HFM1: variants seen among roughly 807,000 people sequenced by gnomAD.
HFM1 encodes probable ATP-dependent DNA helicase HFM1.
Under a neutral mutation model 192.1 loss-of-function variants are expected in HFM1, and 169 were observed. That is an observed-to-expected ratio of 0.88 (90% confidence interval 0.78 to 1.00). The LOEUF is 1.00. Ranked by LOEUF, HFM1 falls within the 50% of genes least tolerant of loss-of-function variation. HFM1 has a pLI of 0.00. For missense variants in HFM1, 1,661 were observed against 1,668.0 expected (o/e 1.00, Z 0.07); for synonymous variants, 525 against 537.8 (o/e 0.98, Z 0.33).
At position 91,274,893 on chromosome 1, in the gene HFM1, T is replaced by G. The variant is rs1666662798; in HGVS notation, c.3589-84A>C. 3 of 604,012 alleles carry G rather than the reference T, an allele frequency of 5.0e-6. No homozygotes were observed. In the South Asian group the frequency reaches 8.2e-5, roughly 16 times the overall value. The allele number at this position is 604,012 out of a possible 1,614,324, so 37.4% of individuals were successfully genotyped here. On this transcript the variant is annotated intron_variant, in intron 32 of 38. Transcript: ENST00000370425. The stretch of plus-strand genomic sequence containing the variant: ...ATGAGCCAAACAACAAAATTCCTGC[T>G]GGTACATAAAGTCCCCAAATCAATG...
At chr1:91,355,493 G>C (rs2101773555) in intron 13 of HFM1, among the ~76,000 whole-genome samples, 1 of 150,464 alleles carries the variant, frequency 6.6e-6, no homozygotes, top group Middle Eastern at 3.5e-3. Context: ...TTAGCTATAA[G>C]GACACCGGCT....
chr1:91,362,484 T>C (rs913928735), intron 13 of HFM1, among the ~76,000 whole-genome samples: 3 of 151,944 alleles, frequency 2.0e-5, no homozygotes, highest in Non-Finnish European at 4.4e-5. Context: ...TACAGCTAAC[T>C]AGGGAGGTAA....
chr1:91,271,746 G>A (rs2100738912), intron 34 of HFM1, among the ~76,000 whole-genome samples: 1 of 152,210 alleles, frequency 6.6e-6, no homozygotes, highest in Middle Eastern at 3.4e-3. Context: ...GGGGCAAAAA[G>A]CTGAAAGAGT....
At chr1:91,300,131 T>G (rs1648460872) in intron 30 of HFM1, among the ~76,000 whole-genome samples, 1 of 152,100 alleles carries the variant, frequency 6.6e-6, no homozygotes, top group African/African-American at 2.4e-5. Flanking sequence ...AAATACAAAC[T>G]ACCATCAGAG....
At chr1:91,305,051 C>T (rs1318582539) in intron 30 of HFM1, among the ~76,000 whole-genome samples, 1 of 152,188 alleles carries the variant, frequency 6.6e-6, no homozygotes, top group Non-Finnish European at 1.5e-5. Flanking sequence ...ACAGCACCAC[C>T]TTGTCTTAAT....
At chr1:91,382,731 T>C (rs1285209917) in intron 6 of HFM1, among the ~76,000 whole-genome samples, 1 of 152,230 alleles carries the variant, frequency 6.6e-6, no homozygotes, top group Non-Finnish European at 1.5e-5. Context: ...TTCCATATCA[T>C]TCACAAAATG....
intron 30 of HFM1, among the ~76,000 whole-genome samples, chr1:91,295,703 T>C (rs1235336289): frequency 1.3e-5 from 2 of 152,196 alleles, no homozygotes; most frequent in Non-Finnish European, 2.9e-5. Context: ...CTTAATGGTA[T>C]CTTTTTGATG....
chr1:91,361,624 A>G (rs2101831318), intron 13 of HFM1, among the ~76,000 whole-genome samples: 1 of 152,332 alleles, frequency 6.6e-6, no homozygotes, highest in East Asian at 1.9e-4. Flanking sequence ...TACCATGGGT[A>G]CAAAGAAAAG....
chr1:91,335,961 CCTCCCTCT>C (rs1490727880), intron 20 of HFM1, among the ~76,000 whole-genome samples: 1 of 151,358 alleles, frequency 6.6e-6, no homozygotes, highest in Non-Finnish European at 1.5e-5. Context: ...CCCCTCTCTC[CCTCCCTCT>C]CTCCCTCTCT....
At chr1:91,350,693 G>C in intron 18 of HFM1, 45 bp downstream of exon 18, 1 of 1,584,956 alleles carries the variant, frequency 6.3e-7, no homozygotes, top group Non-Finnish European at 8.6e-7. Flanking sequence ...TACAGGCCTA[G>C]CTGGCTTGAA....
At chr1:91,331,853 A>C (rs1013152101) in intron 20 of HFM1, among the ~76,000 whole-genome samples, 2 of 152,238 alleles carry the variant, frequency 1.3e-5, no homozygotes, top group Non-Finnish European at 2.9e-5. Flanking sequence ...CCAAGATCGC[A>C]CCACTGCACT....
In HFM1 at chr1:91,315,839, T is replaced by G; in HGVS notation, c.3116A>C (p.Gln1039Pro). The change falls in exon 28 of 39, where the codon CAA (glutamine) becomes CCA (proline). Residue 1039 changes from glutamine to proline, a missense_variant. Transcript: ENST00000370425. ...VTLIIGDADN[Q>P]VVYLHKITDS... ...CGTAATCTTGTGCAGATAAACTACT[T>G]GATTATCTGCGTCACCTATGATTAA... 6.2e-7 allele frequency: 1 copy of G among 1,610,028 alleles called. No individual in the cohort carries two copies. The highest frequency in any genetic ancestry group is 8.5e-7 in the Non-Finnish European group (1 of 1,177,508).
At chr1:91,369,790 A>G (rs1416227679) in intron 13 of HFM1, among the ~76,000 whole-genome samples, 2 of 152,176 alleles carry the variant, frequency 1.3e-5, no homozygotes, top group Non-Finnish European at 2.9e-5. Context: ...CCAAAAATCA[A>G]TGAATCCAGG....
intron 30 of HFM1, among the ~76,000 whole-genome samples, chr1:91,296,512 A>G (rs1223510301): frequency 6.6e-6 from 1 of 152,032 alleles, no homozygotes; most frequent in Non-Finnish European, 1.5e-5. Flanking sequence ...TTGAATTTTC[A>G]TATGAATTTT....
chr1:91,268,171 A>G (rs1370494732), intron 34 of HFM1, among the ~76,000 whole-genome samples: 1 of 151,998 alleles, frequency 6.6e-6, no homozygotes, highest in Non-Finnish European at 1.5e-5. Flanking sequence ...ATAAAGTTGC[A>G]CTAAATTTAA....
intron 35 of HFM1, among the ~76,000 whole-genome samples, chr1:91,266,950 C>A (rs1277563226): frequency 6.6e-6 from 1 of 152,170 alleles, no homozygotes; most frequent in African/African-American, 2.4e-5. Context: ...AACATTTCAA[C>A]TTCTAACTGC....
At chr1:91,383,515 AT>A (rs1661802590) in intron 6 of HFM1, among the ~76,000 whole-genome samples, 1 of 152,154 alleles carries the variant, frequency 6.6e-6, no homozygotes, top group African/African-American at 2.4e-5. Flanking sequence ...AGCCATCTGC[AT>A]TGGAGGCAAC....
intron 13 of HFM1, among the ~76,000 whole-genome samples, chr1:91,365,911 T>C (rs2101873588): frequency 6.7e-6 from 1 of 149,022 alleles, no homozygotes; most frequent in Non-Finnish European, 1.5e-5. Context: ...AGTACACAGC[T>C]AGTAAAAGTA....
intron 18 of HFM1, among the ~76,000 whole-genome samples, chr1:91,350,065 G>A (rs1407474743): frequency 1.3e-5 from 2 of 152,112 alleles, no homozygotes; most frequent in East Asian, 3.8e-4. Flanking sequence ...TTTGAACTAA[G>A]TAAATGTATT....
Sources: gnomAD v4.1 joint callset for allele counts (sites outside exome capture counted in the v4.1 genomes callset) on GRCh38, gnomAD v4.1.1 for gene constraint, MANE v1.5 for transcripts, NCBI Gene and HGNC (gene_info 2026-07-23, HGNC 2026-07-21) for gene names.